The following FAM149A variants were observed in gnomAD, a reference collection of about 807,000 sequenced individuals.
FAM149A encodes protein FAM149A.
In FAM149A, 71 loss-of-function variants were observed where a neutral mutation model predicts 78.2. The ratio of observed to expected loss-of-function variants is 0.91; its 90% CI spans 0.75 to 1.11. FAM149A has a LOEUF of 1.11. FAM149A is among the 50% of genes least tolerant of loss of function. FAM149A has a pLI of 0.00. For synonymous variants in FAM149A, 446 were observed against 410.5 expected, an observed-to-expected ratio of 1.09 and a Z score of -1.04; for missense variants, 1,036 against 971.0, an observed-to-expected ratio of 1.07 and a Z score of -0.89.
At chr4:186,122,426 C>G (rs190926242) in intron 1 of FAM149A, among the ~76,000 whole-genome samples, 58 of 152,238 alleles carry the variant, frequency 3.8e-4, no homozygotes, top group Non-Finnish European at 6.0e-4. Flanking sequence ...AAGAAACTGT[C>G]ATTGATTTCC....
chr4:186,113,938 C>A (rs1004785815), intron 1 of FAM149A, among the ~76,000 whole-genome samples: 13 of 151,852 alleles, frequency 8.6e-5, no homozygotes, highest in Admixed American at 5.3e-4. Flanking sequence ...AGTTCAATTC[C>A]TGGGTATCCT....
intron 1 of FAM149A, among the ~76,000 whole-genome samples, chr4:186,111,492 A>T (rs2099311268): frequency 6.6e-6 from 1 of 152,060 alleles, no homozygotes; most frequent in South Asian, 2.1e-4. Context: ...CTGAATGGTA[A>T]TACCTAGGTT....
In FAM149A at chr4:186,172,153, T is replaced by C; in HGVS notation, c.*166T>C. On this transcript the variant is annotated 3_prime_UTR_variant, in exon 14 of 14. Coordinates refer to ENST00000389354, the MANE Select transcript of FAM149A (RefSeq NM_001367768.3). ...TCACTTAATCTTGAACACTTTGCAC[T>C]GTAAAGAGAGTGAAAGTCAAACCCA... is the stretch of plus-strand genomic sequence containing the variant. The C allele has an allele frequency of 9.2e-7, 1 of 1,092,206 alleles. No homozygotes were observed. The allele number at this position is 1,092,206 out of a possible 1,614,324, so 67.7% of individuals were successfully genotyped here.
intron 13 of FAM149A, among the ~76,000 whole-genome samples, chr4:186,168,509 C>T (rs1303111169): frequency 6.6e-6 from 1 of 152,188 alleles, no homozygotes; most frequent in African/African-American, 2.4e-5. Context: ...GCACATGCCA[C>T]GATGCCTGGC....
rs141900902 is a variant in FAM149A, at chr4:186,130,314, T to TATATATATATATATATAA, written c.567-18858_567-18857insTATATATATATATATAAA. 6.9e-3 allele frequency among the ~76,000 whole-genome samples: 802 copies of TATATATATATATATATAA among 116,328 alleles called. 16 individuals are homozygous for TATATATATATATATATAA. Among genetic ancestry groups the TATATATATATATATATAA allele is most frequent in the Admixed American group, 0.015 (158 of 10,720 alleles). 76.3% of individuals were successfully genotyped at this position (116,328 alleles called of 152,430 possible). On this transcript the variant is annotated intron_variant, in intron 1 of 13. Transcript: ENST00000389354. ...CTCTCTATATATATATATATATATA[T>TATATATATATATATATAA]AATCTATATCGACAGAACTAAAAGG...
intron 11 of FAM149A, among the ~76,000 whole-genome samples, chr4:186,166,057 C>T (rs540106999): frequency 6.6e-6 from 1 of 152,180 alleles, no homozygotes; most frequent in African/African-American, 2.4e-5. Context: ...CAGTCAGACT[C>T]GCCTCGGCCA....
At chr4:186,117,509 C>G (rs1330411948) in intron 1 of FAM149A, 3 of 985,250 alleles carry the variant, frequency 3.0e-6, no homozygotes, top group Admixed American at 6.1e-5. Context: ...GGTCTGAGTT[C>G]TAAAGAATGT....
At chr4:186,163,686 T>A in intron 10 of FAM149A, 53 bp downstream of exon 10, 1 of 1,342,904 alleles carries the variant, frequency 7.4e-7, no homozygotes, top group Non-Finnish European at 1.1e-6. Context: ...ACCTAGATGC[T>A]TCTCAGTTAG....
Position 186,144,843 on chromosome 4 carries a change from G to A in FAM149A, c.567-4330G>A, listed in dbSNP as rs1477415385. ...GAGGCGGCGCCGGCGCGGGCGGGGC[G>A]GAGGATCTGGAGAGGGAAGGGGCGT... On this transcript the variant is annotated intron_variant, in intron 1 of 13. Transcript: ENST00000389354. The surrounding 1 kb of genome is among the most constrained non-coding windows in gnomAD (Gnocchi z 4.2). 20 of 980,760 alleles carry A rather than the reference G, an allele frequency of 2.0e-5. No homozygotes were observed. Among genetic ancestry groups the A allele is most frequent in the Non-Finnish European group, 2.4e-5 (20 of 828,506 alleles). 60.8% of individuals were successfully genotyped at this position (980,760 alleles called of 1,614,324 possible).
intron 1 of FAM149A, chr4:186,124,018 CACAG>C: frequency 2.0e-6 from 2 of 985,286 alleles, no homozygotes; most frequent in Non-Finnish European, 2.4e-6. Flanking sequence ...TACACACTCA[CACAG>C]ACAATGAGAA....
intron 8 of FAM149A, chr4:186,160,982 C>T (rs1734560643): frequency 1.6e-6 from 1 of 622,014 alleles, no homozygotes; most frequent in Non-Finnish European, 2.0e-6. Context: ...GGAGATAAAA[C>T]ATTTTGTGTA....
Position 186,148,200 on chromosome 4 carries a change from G to A in FAM149A, c.567-973G>A, listed in dbSNP as rs375112057. Among the ~76,000 whole-genome samples, 63 of 152,274 alleles carry A rather than the reference G, an allele frequency of 4.1e-4. No homozygotes were observed. In the South Asian group the frequency reaches 0.01, roughly 25 times the overall value. On this transcript the variant is annotated intron_variant, in intron 1 of 13. Transcript: ENST00000389354. ...AAATTAGCTGGGCGTGGTGGCAGGC[G>A]CCTGTAATCCCAGCTACTCAGGAGG... is the stretch of plus-strand genomic sequence containing the variant.
intron 1 of FAM149A, chr4:186,130,289 C>CTATATATATATA (rs1257437565): frequency 6.0e-4 from 22 of 36,876 alleles, no homozygotes; most frequent in Non-Finnish European, 9.2e-4. Context: ...CTCTCTCTCT[C>CTATATATATATA]TCTCTATATA....
At chr4:186,118,857 T>A (rs1431579457) in intron 1 of FAM149A, among the ~76,000 whole-genome samples, 1 of 152,196 alleles carries the variant, frequency 6.6e-6, no homozygotes, top group Non-Finnish European at 1.5e-5. Flanking sequence ...AGCTTCCCAT[T>A]CTTATTCCTG....
chr4:186,156,531 G>A (rs1053941871), intron 7 of FAM149A, among the ~76,000 whole-genome samples: 1 of 152,082 alleles, frequency 6.6e-6, no homozygotes. Flanking sequence ...AAAATTAGCC[G>A]GGCGTGGTGG....
chr4:186,132,169 C>T (rs2099321008), intron 1 of FAM149A: 1 of 985,278 alleles, frequency 1.0e-6, no homozygotes, highest in Non-Finnish European at 1.2e-6. Flanking sequence ...GTTTATGTCA[C>T]TTTTAATGAA....
At chr4:186,125,284 C>T (rs2099317829) in intron 1 of FAM149A, 1 of 985,350 alleles carries the variant, frequency 1.0e-6, no homozygotes, top group Non-Finnish European at 1.2e-6. Context: ...TGATATGTGC[C>T]AGCCACCTGC....
chr4:186,152,042 T>G lies in FAM149A; in HGVS notation c.929T>G (p.Leu310Trp). 6.2e-7 allele frequency: 1 copy of G among 1,613,662 alleles called. No individual in the cohort carries two copies. The highest frequency in any genetic ancestry group is 8.5e-7 in the Non-Finnish European group (1 of 1,180,008). Residue 310 changes from leucine to tryptophan, a missense_variant, in exon 4 of 14, where the codon TTG becomes TGG. Leu to Trp is a moderately conservative substitution (Grantham distance 61, BLOSUM62 -2). This residue lies in a region of FAM149A where 716 missense variants were observed against 711.8 expected (regional missense o/e 1.01). Transcript: ENST00000389354. ...GAGTGGACAAGAAGATCCCTCCATTTGAGGTGGGACCTTGGTGGTGGAAGT... is the reference window on the plus strand; with the variant it reads ...GAGTGGACAAGAAGATCCCTCCATTGGAGGTGGGACCTTGGTGGTGGAAGT...
chr4:186,169,528 C>T, intron 13 of FAM149A: 9 of 985,442 alleles, frequency 9.1e-6, no homozygotes, highest in Non-Finnish European at 1.1e-5. Flanking sequence ...TCCTCCTGAG[C>T]ACTCTGTCAA....
Sources: gnomAD v4.1 joint callset for allele counts (sites outside exome capture counted in the v4.1 genomes callset) on GRCh38, gnomAD v4.1.1 for gene constraint, gnomAD v4.1.1 regional missense constraint, Gnocchi (gnomAD v3.1) non-coding constraint, MANE v1.5 for transcripts, NCBI Gene and HGNC (gene_info 2026-07-23, HGNC 2026-07-21) for gene names.